The following AEBP2 variants were observed in gnomAD, a reference collection of about 807,000 sequenced individuals.
AEBP2 encodes the protein AE binding protein 2.
Under a neutral mutation model 50.8 loss-of-function variants are expected in AEBP2, and 10 were observed. That is an observed-to-expected ratio of 0.20 (90% CI 0.12 to 0.33). The LOEUF (loss-of-function observed/expected upper bound fraction) is 0.33. Ranked by LOEUF, AEBP2 falls within the 10% of genes least tolerant of loss-of-function variation. AEBP2 has a pLI of 1.00. For synonymous variants in AEBP2, 296 were observed against 261.3 expected (o/e 1.13, Z -1.28); for missense variants, 570 against 688.0 (o/e 0.83, Z 1.92).
chr12:19,429,391 G>C (rs985895110), intron 1 of AEBP2, among the ~76,000 whole-genome samples: 2 of 152,152 alleles, frequency 1.3e-5, no homozygotes, highest in African/African-American at 2.4e-5. Context: ...TGGACATTTG[G>C]GTTGGTTCCA....
intron 1 of AEBP2, among the ~76,000 whole-genome samples, chr12:19,417,374 G>T (rs1357580722): frequency 6.6e-6 from 1 of 152,078 alleles, no homozygotes; most frequent in Admixed American, 6.6e-5. Flanking sequence ...TTTCTTAGAA[G>T]TTGATGTCGT....
Position 19,518,594 on chromosome 12 carries a change from C to A in AEBP2, c.*477C>A. The A allele has an allele frequency of 7.2e-7, 1 of 1,393,050 alleles. No individual in the cohort carries two copies. Among genetic ancestry groups the A allele is most frequent in the South Asian group, 1.7e-5 (1 of 58,652 alleles). 86.3% of individuals were successfully genotyped at this position (1,393,050 alleles called of 1,614,324 possible). A position where few individuals can be genotyped will look rare whatever the true frequency, so the allele number is the denominator to read the frequency against. ...GAAGTCATATTAGGAAATATTTAGA[C>A]AATGAAAATTATCAAGAGATAATTT... is the stretch of plus-strand genomic sequence containing the variant. On this transcript the variant is annotated 3_prime_UTR_variant, in exon 8 of 8. Coordinates refer to ENST00000266508, the MANE Select transcript of AEBP2 (RefSeq NM_153207.5).
At chr12:19,517,929 G>A (rs1017651045) in intron 7 of AEBP2, among the ~76,000 whole-genome samples, 158 bp from the exon 8 acceptor site, 1 of 152,156 alleles carries the variant, frequency 6.6e-6, no homozygotes, top group Non-Finnish European at 1.5e-5. Flanking sequence ...ATGTAACTAA[G>A]TATAGATCCA....
intron 1 of AEBP2, among the ~76,000 whole-genome samples, chr12:19,433,356 C>G (rs1170384050): frequency 6.6e-6 from 1 of 152,092 alleles, no homozygotes; most frequent in Non-Finnish European, 1.5e-5. Flanking sequence ...CCACTGCATG[C>G]CAGCCTGGGT....
chr12:19,458,180 G>C (rs908143969), intron 1 of AEBP2, among the ~76,000 whole-genome samples: 9 of 152,212 alleles, frequency 5.9e-5, no homozygotes, highest in African/African-American at 2.2e-4. Context: ...ACAATCAGAA[G>C]TTACCTGTCA....
chr12:19,473,183 A>G lies in AEBP2; in HGVS notation c.880-65A>G. On this transcript the variant is annotated intron_variant, in intron 2 of 7. Coordinates refer to ENST00000266508, the MANE Select transcript of AEBP2 (RefSeq NM_153207.5). ...AGTTGTAACATGTTAATTTGAATGTATGAGGAATCAAACTCTTCTTGAGAT... is the reference window on the plus strand; with the variant it reads ...AGTTGTAACATGTTAATTTGAATGTGTGAGGAATCAAACTCTTCTTGAGAT... 7.6e-6 allele frequency: 5 copies of G among 656,014 alleles called. No individual in the cohort carries two copies. In the South Asian group the frequency reaches 1.7e-4, roughly 22 times the overall value. 40.6% of individuals were successfully genotyped at this position (656,014 alleles called of 1,614,324 possible). A position where few individuals can be genotyped will look rare whatever the true frequency, so the allele number is the denominator to read the frequency against.
rs1203797192 is a variant in AEBP2, at chr12:19,439,694, G to A, written c.-6G>A. ...AGGAGGAGGAGGAGGAGGAGCAGGC[G>A]CCGCCATGGCCGCCGCTATCACCGA... On this transcript the variant is annotated 5_prime_UTR_variant, in exon 1 of 8. Coordinates refer to ENST00000266508, the MANE Select transcript of AEBP2 (RefSeq NM_153207.5). 2 of 1,517,544 alleles carry A rather than the reference G, an allele frequency of 1.3e-6. No homozygotes were observed. Among genetic ancestry groups the A allele is most frequent in the Non-Finnish European group, 1.8e-6 (2 of 1,139,132 alleles). The allele number at this position is 1,517,544 out of a possible 1,614,324, so 94.0% of individuals were successfully genotyped here. A position where few individuals can be genotyped will look rare whatever the true frequency, so the allele number is the denominator to read the frequency against.
intron 1 of AEBP2, among the ~76,000 whole-genome samples, chr12:19,420,440 T>A (rs1388996438): frequency 6.6e-6 from 1 of 150,670 alleles, no homozygotes; most frequent in Non-Finnish European, 1.5e-5. Flanking sequence ...TTCAAGAGAT[T>A]CTCCTATCTC....
At chr12:19,426,964 A>G (rs542628660) in intron 1 of AEBP2, among the ~76,000 whole-genome samples, 1 of 152,202 alleles carries the variant, frequency 6.6e-6, no homozygotes, top group East Asian at 1.9e-4. Context: ...GGAAGAGATT[A>G]GTGTTGGAAT....
chr12:19,479,209 T>C (rs1195958792), intron 3 of AEBP2, among the ~76,000 whole-genome samples: 3 of 152,192 alleles, frequency 2.0e-5, no homozygotes, highest in Admixed American at 2.0e-4. Context: ...AAAAAAAGTA[T>C]ATTCTGCAGT....
chr12:19,473,807 C>T (rs574902152), intron 3 of AEBP2, among the ~76,000 whole-genome samples: 1 of 152,274 alleles, frequency 6.6e-6, no homozygotes, highest in Non-Finnish European at 1.5e-5. Context: ...TTTTAACATT[C>T]TTGTACACGC....
intron 1 of AEBP2, among the ~76,000 whole-genome samples, chr12:19,460,384 C>G (rs1479414249): frequency 1.3e-5 from 2 of 152,148 alleles, no homozygotes; most frequent in East Asian, 3.9e-4. Context: ...CTCTGTCGCC[C>G]AGGCTCGAGT....
At chr12:19,502,711 T>C (rs546987839) in intron 5 of AEBP2, among the ~76,000 whole-genome samples, 7 of 151,808 alleles carry the variant, frequency 4.6e-5, no homozygotes, top group Non-Finnish European at 1.0e-4. Flanking sequence ...TGCAATGGCA[T>C]GATCTCGGCT....
chr12:19,494,946 G>A (rs776270634), intron 4 of AEBP2, among the ~76,000 whole-genome samples: 13 of 151,936 alleles, frequency 8.6e-5, no homozygotes, highest in Non-Finnish European at 1.5e-4. Flanking sequence ...TCACACTGTC[G>A]CCCAGGCTGG....
At chr12:19,500,607 G>A (rs920167162) in intron 5 of AEBP2, among the ~76,000 whole-genome samples, 1 of 152,092 alleles carries the variant, frequency 6.6e-6, no homozygotes, top group Non-Finnish European at 1.5e-5. Flanking sequence ...TCACATTTCT[G>A]TGTACTGCAT....
chr12:19,451,531 C>T (rs949279573), intron 1 of AEBP2, among the ~76,000 whole-genome samples: 2 of 152,102 alleles, frequency 1.3e-5, no homozygotes, highest in African/African-American at 4.8e-5. Flanking sequence ...AACTGTGTTC[C>T]CTTTTATGAC....
chr12:19,451,083 T>C (rs75782858), intron 1 of AEBP2, among the ~76,000 whole-genome samples: 5 of 152,350 alleles, frequency 3.3e-5, no homozygotes, highest in Non-Finnish European at 7.4e-5. Context: ...TTATTAGAGT[T>C]GTAAGCATTA....
At chr12:19,426,908 A>G (rs886226075) in intron 1 of AEBP2, among the ~76,000 whole-genome samples, 2 of 152,038 alleles carry the variant, frequency 1.3e-5, no homozygotes, top group Non-Finnish European at 1.5e-5. Context: ...AACAAACAAA[A>G]TAACCAAAAA....
chr12:19,466,816 TC>T, intron 2 of AEBP2: 1 of 984,532 alleles, frequency 1.0e-6, no homozygotes, highest in Non-Finnish European at 1.2e-6. Flanking sequence ...ATTTTATGCT[TC>T]TGATTATTGA....
Sources: gnomAD v4.1 joint callset for allele counts (sites outside exome capture counted in the v4.1 genomes callset) on GRCh38, gnomAD v4.1.1 for gene constraint, MANE v1.5 for transcripts, NCBI Gene and HGNC (gene_info 2026-07-23, HGNC 2026-07-21) for gene names.